KLHL33: variants seen among roughly 807,000 people sequenced by gnomAD.
KLHL33 encodes the protein kelch like family member 33.
Under a neutral mutation model 60.8 loss-of-function variants are expected in KLHL33, and 46 were observed. The observed-to-expected ratio is 0.76, with a 90% confidence interval of 0.60 to 0.97. The LOEUF is 0.97. Ranked by LOEUF, KLHL33 falls within the 50% of genes least tolerant of loss-of-function variation. The pLI is 0.00. For synonymous variants in KLHL33, 434 were observed against 432.2 expected (o/e 1.00, Z -0.05); for missense variants, 1,055 against 1,000.0 (o/e 1.05, Z -0.74).
In KLHL33 at chr14:20,435,760, G is replaced by A. The variant is rs1880676738; in HGVS notation, c.52C>T (p.His18Tyr). 5 of 1,234,380 alleles carry A rather than the reference G, an allele frequency of 4.1e-6. No homozygotes were observed. Among genetic ancestry groups the A allele is most frequent in the Non-Finnish European group, 5.1e-6 (5 of 988,172 alleles). The allele number at this position is 1,234,380 out of a possible 1,614,324, so 76.5% of individuals were successfully genotyped here. A position where few individuals can be genotyped will look rare whatever the true frequency, so the allele number is the denominator to read the frequency against. Residue 18 changes from histidine (H) to tyrosine (Y), a missense_variant, in exon 2 of 5, where the codon CAT becomes TAT. Physicochemically the swap from His to Tyr is moderately conservative, Grantham distance 83. Transcript: ENST00000636854. Reference sequence around the variant, plus strand: ...CCAAGGCAGTCCCTCTGGACGGGATGAGAGACACTCTCCAGCTCAGGGGGA... The same window carrying A: ...CCAAGGCAGTCCCTCTGGACGGGATAAGAGACACTCTCCAGCTCAGGGGGA... ...HYPPELESVS[H>Y]PVQRDCLGLL... is the part of the protein sequence containing the mutation.
Position 20,430,350 on chromosome 14 carries a change from G to A in KLHL33, c.1118C>T (p.Pro373Leu). 6.4e-7 allele frequency: 1 copy of A among 1,551,946 alleles called. No individual in the cohort carries two copies. Among genetic ancestry groups the A allele is most frequent in the South Asian group, 1.2e-5 (1 of 84,070 alleles). The change falls in exon 3 of 5, where the codon CCT (proline) becomes CTT (leucine). Residue 373 changes from proline (P) to leucine (L), a missense_variant. Coordinates refer to ENST00000636854, the MANE Select transcript of KLHL33 (RefSeq NM_001365790.2). ...GGCAGCTGGTAAAGAAGGGAAAGCA[G>A]GACACAAGGCTACAGCAGGCAGGTG... ...LTHLPAVALC[P>L]AFPSLPAACL...
chr14:20,432,927 A>AAAG (rs1880556850), intron 2 of KLHL33, among the ~76,000 whole-genome samples: 2 of 20,534 alleles, frequency 9.7e-5, no homozygotes, highest in African/African-American at 3.9e-4. Flanking sequence ...ATCTCAAAAA[A>AAAG]AAGAAAGAAA....
At position 20,429,318 on chromosome 14, in the gene KLHL33, C is replaced by G. The variant is rs1296048353; in HGVS notation, c.1925G>C (p.Gly642Ala). 1 of 1,551,700 alleles carries G rather than the reference C, an allele frequency of 6.4e-7. No individual in the cohort carries two copies. The highest frequency in any genetic ancestry group is 8.7e-7 in the Non-Finnish European group (1 of 1,146,992). Residue 642 changes from glycine to alanine, a missense_variant, in exon 5 of 5, where the codon GGT (glycine) becomes GCT (alanine). Gly to Ala is a moderately conservative substitution (Grantham distance 60). Coordinates refer to ENST00000636854, the MANE Select transcript of KLHL33 (RefSeq NM_001365790.2). ...TGAGGCCAGGTATTGGCCAGTCCCA[C>G]CACAGCCACCGCTCACGTACAACTG... ...EGQLYVSGGCGGTGQYLASLM... is the reference protein window; with the variant it reads ...EGQLYVSGGCAGTGQYLASLM...
rs947953995 is a variant in KLHL33 at position 20,428,091 on chromosome 14, C to T, written c.*758G>A. 3 of 152,514 alleles carry T rather than the reference C, an allele frequency of 2.0e-5. No individual in the cohort carries two copies. Among genetic ancestry groups the T allele is most frequent in the East Asian group, 3.9e-4 (2 of 5,178 alleles). The allele number at this position is 152,514 out of a possible 1,614,324, so 9.4% of individuals were successfully genotyped here. On this transcript the variant is annotated 3_prime_UTR_variant, in exon 5 of 5. Transcript: ENST00000636854. ...ACTTCTTCCACCCCATCTCCTTAAA[C>T]CTCAGATCATCTGTTTTTCCACTGT...
chr14:20,433,671 G>T (rs1335598380), intron 2 of KLHL33, among the ~76,000 whole-genome samples: 1 of 152,116 alleles, frequency 6.6e-6, no homozygotes, highest in African/African-American at 2.4e-5. Flanking sequence ...CATTAAGTAG[G>T]AATATTTCCT....
chr14:20,432,625 T>C (rs1880542772), intron 2 of KLHL33, among the ~76,000 whole-genome samples: 1 of 152,110 alleles, frequency 6.6e-6, no homozygotes, highest in South Asian at 2.1e-4. Flanking sequence ...GACTAGGTGA[T>C]ATTAAAAAAT....
rs1880418307 is a variant in KLHL33 at position 20,429,521 on chromosome 14, G to C, written c.1822C>G (p.Pro608Ala). The C allele has an allele frequency of 1.9e-6, 3 of 1,552,208 alleles. No individual in the cohort carries two copies. The highest frequency in any genetic ancestry group is 2.4e-5 in the East Asian group (1 of 40,898). ...GCTTACCTCCAGACATTGAGCTCAG[G>C]GTTGTAGGTCTCCACAGAGTCCAGG... ...VALDSVETYN[P>A]ELNVWRPAPA... is the part of the protein sequence containing the mutation. The change falls in exon 4 of 5, where the codon CCT (proline) becomes GCT (alanine). Residue 608 changes from proline to alanine, a missense_variant. Coordinates refer to ENST00000636854, the MANE Select transcript of KLHL33 (RefSeq NM_001365790.2).
chr14:20,429,596 C>T lies in KLHL33; in HGVS notation c.1747G>A (p.Ala583Thr). ...AGGGCATAAAGTTTTCCATCCAGTG[C>T]CACCAAGGAGAAAAGGCTTCGAGCC... ...SQARSLFSLVALDGKLYALGG... is the reference protein window; with the variant it reads ...SQARSLFSLVTLDGKLYALGG... Residue 583 changes from alanine (A) to threonine (T), a missense_variant, in exon 4 of 5, where the codon GCA becomes ACA. Coordinates refer to ENST00000636854, the MANE Select transcript of KLHL33 (RefSeq NM_001365790.2). 2 of 1,552,038 alleles carry T rather than the reference C, an allele frequency of 1.3e-6. No individual in the cohort carries two copies. Among genetic ancestry groups the T allele is most frequent in the Non-Finnish European group, 1.7e-6 (2 of 1,147,054 alleles).
chr14:20,430,544 C>T lies in KLHL33; in HGVS notation c.924G>A (p.Leu308=). The stretch of plus-strand genomic sequence containing the variant: ...ACTGCAGAGCAGCCTGGGCAGCTCT[C>T]AGTAGCCCTGGCCACCTTGCCCGCA... ...GVVRARWPGL[L]RAAQAALQYQ... is the part of the protein sequence containing the mutation. Residue 308 remains leucine (L), a synonymous_variant, in exon 3 of 5, where the codon CTG becomes CTA. Coordinates refer to ENST00000636854, the MANE Select transcript of KLHL33 (RefSeq NM_001365790.2). 6.5e-7 allele frequency: 1 copy of T among 1,542,870 alleles called. No homozygotes were observed. The highest frequency in any genetic ancestry group is 8.7e-7 in the Non-Finnish European group (1 of 1,147,016).
Position 20,429,924 on chromosome 14 carries a change from C to T in KLHL33, c.1544G>A (p.Gly515Glu). 1.3e-6 allele frequency: 2 copies of T among 1,551,744 alleles called. No homozygotes were observed. Among genetic ancestry groups the T allele is most frequent in the Non-Finnish European group, 1.7e-6 (2 of 1,147,018 alleles). The change falls in exon 3 of 5, where the codon GGG (glycine) becomes GAG (glutamate). Residue 515 changes from glycine to glutamate, a missense_variant. Transcript: ENST00000636854. ...GGGGGCAGGCAGGGCAGGCAGCTGC[C>T]CCCACTCAACAGTTCGTACCAGTCC... ...GVGLVRTVEWGQLPALPAPGR... is the reference protein window; with the variant it reads ...GVGLVRTVEWEQLPALPAPGR...
rs758883821 is a variant in KLHL33 at position 20,429,297 on chromosome 14, G to T, written c.1946C>A (p.Ala649Asp). ...TTTGGGGTCATAGTGCATCAGTGAG[G>T]CCAGGTATTGGCCAGTCCCACCACA... ...GGCGGTGQYLASLMHYDPKLE... is the reference protein window; with the variant it reads ...GGCGGTGQYLDSLMHYDPKLE... The change falls in exon 5 of 5, where the codon GCC becomes GAC. Residue 649 changes from alanine to aspartate, a missense_variant. Coordinates refer to ENST00000636854, the MANE Select transcript of KLHL33 (RefSeq NM_001365790.2). 7.7e-6 allele frequency: 12 copies of T among 1,551,584 alleles called. No homozygotes were observed. The highest frequency in any genetic ancestry group is 2.7e-5 in the African/African-American group (2 of 73,044).
Position 20,428,845 on chromosome 14 carries a change from C to T in KLHL33, c.*4G>A. 2.6e-6 allele frequency: 4 copies of T among 1,548,470 alleles called. No homozygotes were observed. Among genetic ancestry groups the T allele is most frequent in the Non-Finnish European group, 3.5e-6 (4 of 1,144,640 alleles). ...TCCTCTCCCCATACACTGTTGCTCC[C>T]TCTTCACCCAGCAGGTTTGGTTTGG... On this transcript the variant is annotated 3_prime_UTR_variant, in exon 5 of 5. Coordinates refer to ENST00000636854, the MANE Select transcript of KLHL33 (RefSeq NM_001365790.2).
At position 20,435,187 on chromosome 14, in the gene KLHL33, C is replaced by T. The variant is rs747572767; in HGVS notation, c.625G>A (p.Glu209Lys). The change falls in exon 2 of 5, where the codon GAA becomes AAA. Residue 209 changes from glutamate to lysine, a missense_variant. By Grantham distance (56) the Glu-to-Lys change is moderately conservative. Transcript: ENST00000636854. Reference protein sequence around the residue: ...QTCERAGNAREDVKKPSQAEE... With the variant: ...QTCERAGNARKDVKKPSQAEE... ...GCCTGGCTGGGCTTCTTTACATCTT[C>T]CCTGGCATTTCCAGCCCTCTCGCAT... 54 of 1,234,346 alleles carry T rather than the reference C, an allele frequency of 4.4e-5. No homozygotes were observed. The highest frequency in any genetic ancestry group is 5.1e-5 in the Non-Finnish European group (50 of 988,206). 76.5% of individuals were successfully genotyped at this position (1,234,346 alleles called of 1,614,324 possible).
At chr14:20,432,758 C>T (rs913268815) in intron 2 of KLHL33, among the ~76,000 whole-genome samples, 1 of 151,694 alleles carries the variant, frequency 6.6e-6, no homozygotes, top group African/African-American at 2.4e-5. Context: ...CCCATCTCTA[C>T]AAAAAATACA....
chr14:20,436,075 T>TA (rs777223935), intron 1 of KLHL33, 24 bp downstream of exon 1: 4 of 315,632 alleles, frequency 1.3e-5, no homozygotes, highest in Non-Finnish European at 2.3e-5. Flanking sequence ...ACCCCTCCCC[T>TA]ATTGCCCCCA....
chr14:20,435,155 C>T lies in KLHL33; in HGVS notation c.657G>A (p.Glu219=). The stretch of plus-strand genomic sequence containing the variant: ...CGATTCCGCGCAGGTTCTCCCTCAG[C>T]TCCTCTGCCTGGCTGGGCTTCTTTA... ...EDVKKPSQAE[E]LRENLRGIEL... Residue 219 remains glutamate, a synonymous_variant, in exon 2 of 5, where the codon GAG becomes GAA. Transcript: ENST00000636854. 3.2e-6 allele frequency: 4 copies of T among 1,234,396 alleles called. No individual in the cohort carries two copies. Among genetic ancestry groups the T allele is most frequent in the African/African-American group, 1.5e-5 (1 of 64,642 alleles). 76.5% of individuals were successfully genotyped at this position (1,234,396 alleles called of 1,614,324 possible). A position where few individuals can be genotyped will look rare whatever the true frequency, so the allele number is the denominator to read the frequency against.
rs1880678959 is a variant in KLHL33, at chr14:20,435,829, A to G, written c.-18T>C. Reference sequence around the variant, plus strand: ...ACGCTCATGCCGAGGTTTGCTGGATAGCTGCAGGTGAGCAGAGGCAAGACA... The same window carrying G: ...ACGCTCATGCCGAGGTTTGCTGGATGGCTGCAGGTGAGCAGAGGCAAGACA... On this transcript the variant is annotated splice_region_variant and 5_prime_UTR_variant, in exon 2 of 5. Coordinates refer to ENST00000636854, the MANE Select transcript of KLHL33 (RefSeq NM_001365790.2). 1.6e-6 allele frequency: 2 copies of G among 1,233,988 alleles called. No homozygotes were observed. Among genetic ancestry groups the G allele is most frequent in the East Asian group, 3.2e-5 (1 of 31,700 alleles). 76.4% of individuals were successfully genotyped at this position (1,233,988 alleles called of 1,614,324 possible).
In KLHL33 at chr14:20,428,291, C is replaced by T. The variant is rs941320364; in HGVS notation, c.*558G>A. On this transcript the variant is annotated 3_prime_UTR_variant, in exon 5 of 5. Transcript: ENST00000636854. Reference sequence around the variant, plus strand: ...CTCAGGGGCAGCCTGTGGTGTCTCGCTGGGAAACGCTAGACCAGGCCTACA... The same window carrying T: ...CTCAGGGGCAGCCTGTGGTGTCTCGTTGGGAAACGCTAGACCAGGCCTACA... 1.3e-5 allele frequency: 2 copies of T among 152,728 alleles called. No individual in the cohort carries two copies. The highest frequency in any genetic ancestry group is 2.9e-5 in the Non-Finnish European group (2 of 68,508). The allele number at this position is 152,728 out of a possible 1,614,324, so 9.5% of individuals were successfully genotyped here.
In KLHL33 at chr14:20,430,042, C is replaced by T. The variant is rs961786041; in HGVS notation, c.1426G>A (p.Val476Ile). 2.3e-5 allele frequency: 35 copies of T among 1,551,646 alleles called. No homozygotes were observed. In the Admixed American group the frequency reaches 6.1e-4, roughly 27 times the overall value. ...ERRREPDRAL[V>I]VIGGDGLRPD... ...CTGAGCCCATCCCCGCCAATCACTA[C>T]CAGTGCCCGGTCAGGCTCCCTCCGT... The change falls in exon 3 of 5, where the codon GTA becomes ATA. Residue 476 changes from valine to isoleucine, a missense_variant. Physicochemically the swap from Val to Ile is conservative, Grantham distance 29. Transcript: ENST00000636854.
Sources: gnomAD v4.1 joint callset for allele counts (sites outside exome capture counted in the v4.1 genomes callset) on GRCh38, gnomAD v4.1.1 for gene constraint, MANE v1.5 for transcripts, NCBI Gene and HGNC (gene_info 2026-07-23, HGNC 2026-07-21) for gene names.